TRPC4: variants seen among roughly 807,000 people sequenced by gnomAD.
TRPC4 encodes short transient receptor potential channel 4.
In TRPC4, 49 loss-of-function variants were observed where a neutral mutation model predicts 99.4. The observed-to-expected ratio is 0.49, with a 90% CI of 0.39 to 0.63. The LOEUF is 0.63. Among genes scored for constraint, TRPC4 ranks in the 20% least tolerant of loss-of-function variants. The pLI is 0.00. For synonymous variants in TRPC4, 454 were observed against 425.9 expected (o/e 1.07, Z -0.81); for missense variants, 898 against 1,152.9 (o/e 0.78, Z 3.20).
intron 1 of TRPC4, among the ~76,000 whole-genome samples, chr13:37,867,730 A>C (rs1959858869): frequency 6.6e-6 from 1 of 152,136 alleles, no homozygotes; most frequent in African/African-American, 2.4e-5. Flanking sequence ...TGATAGACAC[A>C]GCCATCCAAA....
At chr13:37,763,190 T>C (rs1956270811) in intron 2 of TRPC4, among the ~76,000 whole-genome samples, 1 of 151,598 alleles carries the variant, frequency 6.6e-6, no homozygotes, top group Admixed American at 6.6e-5. Flanking sequence ...AAATTTGAAC[T>C]GTCTGACATT....
chr13:37,653,427 A>G (rs763082550), intron 7 of TRPC4, among the ~76,000 whole-genome samples: 4 of 152,040 alleles, frequency 2.6e-5, no homozygotes, highest in Non-Finnish European at 4.4e-5. Flanking sequence ...GAAAGAAAGA[A>G]GAAAGAAGAA....
chr13:37,674,520 T>C (rs1593484717), intron 4 of TRPC4, 153 bp from the exon 5 acceptor site: 18 of 744,762 alleles, frequency 2.4e-5, no homozygotes. Flanking sequence ...TAACACTGAG[T>C]CCCAGCCATA....
At chr13:37,689,559 C>G (rs1953612291) in intron 4 of TRPC4, among the ~76,000 whole-genome samples, 1 of 152,172 alleles carries the variant, frequency 6.6e-6, no homozygotes, top group South Asian at 2.1e-4. Context: ...GAAAAATTAA[C>G]TCCCTACAGT....
At chr13:37,769,212 A>T (rs1056077558) in intron 2 of TRPC4, among the ~76,000 whole-genome samples, 1 of 151,478 alleles carries the variant, frequency 6.6e-6, no homozygotes, top group African/African-American at 2.4e-5. Flanking sequence ...TGCCAGCCAG[A>T]TGTTTGAAAC....
chr13:37,660,009 G>A (rs565631141), intron 6 of TRPC4, among the ~76,000 whole-genome samples: 40 of 152,198 alleles, frequency 2.6e-4, no homozygotes, highest in Non-Finnish European at 1.8e-4. Flanking sequence ...TGCAACCCGA[G>A]GATAGAAATT....
chr13:37,674,088 C>A, intron 5 of TRPC4, 140 bp downstream of exon 5: 4 of 752,722 alleles, frequency 5.3e-6, no homozygotes, highest in Non-Finnish European at 7.8e-6. Flanking sequence ...CCCTATATAT[C>A]TATCAATAAA....
At position 37,663,562 on chromosome 13, in the gene TRPC4, C is replaced by G; in HGVS notation, c.1542G>C (p.Leu514=). Residue 514 remains leucine, a synonymous_variant, in exon 6 of 11, where the codon CTG becomes CTC. Transcript: ENST00000379705. ...PLQISLGRML[L]DILKFLFIYC... is the part of the protein sequence containing the mutation. The stretch of plus-strand genomic sequence containing the variant: ...ATATGAATAGAAACTTCAAAATGTC[C>G]AGGAGCATTCTTCCCAGAGATATTT... The G allele has an allele frequency of 6.2e-7, 1 of 1,614,136 alleles. No individual in the cohort carries two copies. Among genetic ancestry groups the G allele is most frequent in the Non-Finnish European group, 8.5e-7 (1 of 1,180,020 alleles).
At chr13:37,845,232 A>G (rs1016462067) in intron 1 of TRPC4, among the ~76,000 whole-genome samples, 3 of 152,144 alleles carry the variant, frequency 2.0e-5, no homozygotes, top group Non-Finnish European at 4.4e-5. Flanking sequence ...GCATTAATGT[A>G]AGTACATGAG....
intron 2 of TRPC4, among the ~76,000 whole-genome samples, chr13:37,776,223 G>A (rs1956698506): frequency 1.3e-5 from 2 of 151,788 alleles, no homozygotes; most frequent in Admixed American, 1.3e-4. Flanking sequence ...GACATTCAAA[G>A]TATTTGTTTA....
chr13:37,752,596 C>G (rs962074471), intron 2 of TRPC4, among the ~76,000 whole-genome samples: 9 of 151,770 alleles, frequency 5.9e-5, no homozygotes, highest in Admixed American at 5.9e-4. Flanking sequence ...GCCCCCCTCC[C>G]CCTCCCACAC....
intron 1 of TRPC4, among the ~76,000 whole-genome samples, chr13:37,793,384 T>C (rs922030456): frequency 2.0e-5 from 3 of 151,900 alleles, no homozygotes; most frequent in Non-Finnish European, 2.9e-5. Context: ...GTGCTGCACC[T>C]ATTAACTCGT....
At chr13:37,743,749 A>G (rs980649383) in intron 3 of TRPC4, among the ~76,000 whole-genome samples, 3 of 152,196 alleles carry the variant, frequency 2.0e-5, no homozygotes, top group East Asian at 3.9e-4. Flanking sequence ...AGAAATTCAA[A>G]TTACAATTTC....
intron 1 of TRPC4, among the ~76,000 whole-genome samples, chr13:37,857,178 G>A (rs897264757): frequency 1.3e-5 from 2 of 151,292 alleles, no homozygotes; most frequent in Non-Finnish European, 3.0e-5. Context: ...ATTTACAATA[G>A]CCACACATAA....
At chr13:37,652,072 A>G (rs1414908939) in intron 7 of TRPC4, among the ~76,000 whole-genome samples, 1 of 152,246 alleles carries the variant, frequency 6.6e-6, no homozygotes, top group Non-Finnish European at 1.5e-5. Context: ...GAGTATGGCC[A>G]GTGGTTGCCC....
intron 2 of TRPC4, among the ~76,000 whole-genome samples, chr13:37,757,093 A>AAACC (rs1555267728): frequency 6.6e-6 from 1 of 151,566 alleles, no homozygotes; most frequent in African/African-American, 2.4e-5. Flanking sequence ...AATACATTAA[A>AAACC]AAATATGCAA....
At chr13:37,788,627 A>C (rs1957030876) in intron 1 of TRPC4, among the ~76,000 whole-genome samples, 1 of 151,128 alleles carries the variant, frequency 6.6e-6, no homozygotes. Context: ...GTTTCCACAG[A>C]CTCCTTTTCT....
At chr13:37,820,918 A>C (rs1566196074) in intron 1 of TRPC4, among the ~76,000 whole-genome samples, 1 of 152,016 alleles carries the variant, frequency 6.6e-6, no homozygotes. Context: ...TGAAGATAGT[A>C]CTGGAAGACC....
chr13:37,746,648 A>G (rs1043329893), intron 2 of TRPC4, among the ~76,000 whole-genome samples, 193 bp from the exon 3 acceptor site: 2 of 151,228 alleles, frequency 1.3e-5, no homozygotes, highest in African/African-American at 4.9e-5. Context: ...ACTTTCCAAT[A>G]TGATGCATTA....
Sources: allele counts gnomAD v4.1 joint callset (sites outside exome capture counted in the v4.1 genomes callset), GRCh38; gene constraint gnomAD v4.1.1; transcripts MANE v1.5; gene names NCBI Gene and HGNC (gene_info 2026-07-23, HGNC 2026-07-21).